The following DAB1 variants were observed in gnomAD, a reference collection of about 807,000 sequenced individuals.
DAB1 encodes the protein disabled homolog 1.
In DAB1, 15 loss-of-function variants were observed where a neutral mutation model predicts 64.6. The ratio of observed to expected loss-of-function variants is 0.23; its 90% confidence interval spans 0.16 to 0.36. DAB1 has a LOEUF of 0.36. DAB1 is among the 10% of genes least tolerant of loss of function. The pLI, the probability that DAB1 is intolerant of heterozygous loss-of-function variation, is 1.00. For synonymous variants in DAB1, 235 were observed against 251.9 expected (o/e 0.93, Z 0.64); for missense variants, 596 against 706.7 (o/e 0.84, Z 1.78).
intron 3 of DAB1, among the ~76,000 whole-genome samples, chr1:58,358,953 A>AACACACCCACACACACACACACAC (rs1644137794): frequency 8.1e-6 from 1 of 123,850 alleles, no homozygotes; most frequent in East Asian, 2.6e-4. Context: ...CTCTCTCTGT[A>AACACACCCACACACACACACACAC]ACACACACAC....
chr1:57,722,776 G>A (rs553833136), intron 6 of DAB1, among the ~76,000 whole-genome samples: 1 of 152,334 alleles, frequency 6.6e-6, no homozygotes, highest in Non-Finnish European at 1.5e-5. Context: ...CAATGGGCCT[G>A]CCAGGTGGCA....
intron 3 of DAB1, among the ~76,000 whole-genome samples, chr1:58,452,226 A>G (rs1184791917): frequency 1.3e-5 from 2 of 151,166 alleles, no homozygotes; most frequent in African/African-American, 4.9e-5. Flanking sequence ...GAGCCACTGC[A>G]CCTGGCCTGC....
At chr1:57,511,167 T>C (rs911099112) in intron 7 of DAB1, among the ~76,000 whole-genome samples, 1 of 152,320 alleles carries the variant, frequency 6.6e-6, no homozygotes, top group Middle Eastern at 3.4e-3. Flanking sequence ...TTCTACACAG[T>C]GGAACCACCA....
chr1:57,993,105 C>A (rs1237085042), intron 5 of DAB1, among the ~76,000 whole-genome samples: 1 of 152,118 alleles, frequency 6.6e-6, no homozygotes, highest in Non-Finnish European at 1.5e-5. Flanking sequence ...TTCCTATTGA[C>A]CCTCACTTAA....
At chr1:57,651,052 A>G (rs1646250229) in intron 6 of DAB1, among the ~76,000 whole-genome samples, 1 of 152,168 alleles carries the variant, frequency 6.6e-6, no homozygotes, top group African/African-American at 2.4e-5. Flanking sequence ...TTGTTCATTC[A>G]AAATAATCAG....
At chr1:57,165,336 A>G (rs1335535832) in intron 2 of DAB1, among the ~76,000 whole-genome samples, 1 of 152,216 alleles carries the variant, frequency 6.6e-6, no homozygotes, top group Admixed American at 6.5e-5. Context: ...AAAGAGCTCA[A>G]TATGGTCTAT....
At chr1:57,375,079 C>G (rs766496226) in intron 1 of DAB1, among the ~76,000 whole-genome samples, 1 of 152,090 alleles carries the variant, frequency 6.6e-6, no homozygotes, top group Admixed American at 6.5e-5. Context: ...AGGTCCCAAC[C>G]CTTCTCTCTG....
At chr1:58,082,423 T>A (rs201320572) in intron 5 of DAB1, among the ~76,000 whole-genome samples, 4,438 of 88,454 alleles carry the variant, frequency 0.05, 202 homozygotes, top group African/African-American at 0.2. Context: ...AAAACTTAAA[T>A]AAAAAAAAAA....
chr1:58,442,124 C>T (rs775335018), intron 3 of DAB1, among the ~76,000 whole-genome samples: 12 of 152,202 alleles, frequency 7.9e-5, no homozygotes, highest in Middle Eastern at 6.8e-3. Context: ...TTATTGTGTG[C>T]GTGTGTGTGC....
At chr1:57,866,691 T>C (rs1189995616) in intron 1 of DAB1, among the ~76,000 whole-genome samples, 2 of 152,218 alleles carry the variant, frequency 1.3e-5, no homozygotes, top group African/African-American at 2.4e-5. Flanking sequence ...GGCAGCACAG[T>C]GTCTGCACAG....
chr1:57,849,287 T>C (rs1030641382), intron 1 of DAB1, among the ~76,000 whole-genome samples: 6 of 152,208 alleles, frequency 3.9e-5, no homozygotes, highest in Non-Finnish European at 8.8e-5. Flanking sequence ...GGTGCTGCCC[T>C]GTCTGCTCCT....
intron 7 of DAB1, among the ~76,000 whole-genome samples, chr1:57,607,722 C>T (rs1676091476): frequency 1.3e-5 from 2 of 152,140 alleles, no homozygotes; most frequent in African/African-American, 4.8e-5. Context: ...TTTCCTCTTT[C>T]TCCCATGATG....
At chr1:58,124,012 A>T (rs1490467057) in intron 5 of DAB1, among the ~76,000 whole-genome samples, 3 of 152,126 alleles carry the variant, frequency 2.0e-5, no homozygotes, top group African/African-American at 7.2e-5. Flanking sequence ...ATGAAGTGTA[A>T]ACATCTAGGT....
Position 58,545,032 on chromosome 1 carries a change from G to A in DAB1, n.32+1671C>T, listed in dbSNP as rs148458368. On this transcript the variant is annotated intron_variant and non_coding_transcript_variant, in intron 1 of 20. Coordinates refer to the DAB1 transcript ENST00000485760. ...TTACAGTCATGAGCCACCACGCCTGGACTTTCGTTGGTTTTCCATGGCTTC... is the reference window on the plus strand; with the variant it reads ...TTACAGTCATGAGCCACCACGCCTGAACTTTCGTTGGTTTTCCATGGCTTC... 2.6e-5 allele frequency among the ~76,000 whole-genome samples: 4 copies of A among 152,238 alleles called. No homozygotes were observed. In the East Asian group the frequency reaches 7.7e-4, roughly 29 times the overall value.
intron 4 of DAB1, among the ~76,000 whole-genome samples, chr1:58,223,070 T>A (rs1025040329): frequency 6.6e-6 from 1 of 152,210 alleles, no homozygotes; most frequent in Non-Finnish European, 1.5e-5. Context: ...CTTCTATCCA[T>A]GAGATTGTGA....
intron 3 of DAB1, among the ~76,000 whole-genome samples, chr1:58,368,086 T>G (rs4912192): frequency 0.31 from 46,512 of 152,128 alleles, 7,208 homozygotes; most frequent in Middle Eastern, 0.4. Context: ...TGGGGAACTT[T>G]TACAAAATGT....
intron 5 of DAB1, among the ~76,000 whole-genome samples, chr1:58,005,504 T>C (rs914569896): frequency 1.2e-4 from 18 of 152,006 alleles, no homozygotes; most frequent in Admixed American, 1.0e-3. Context: ...GGAAGCTGTT[T>C]TGAAGAGGAA....
intron 7 of DAB1, among the ~76,000 whole-genome samples, chr1:57,525,720 T>C (rs1644583157): frequency 6.6e-6 from 1 of 152,002 alleles, no homozygotes; most frequent in Non-Finnish European, 1.5e-5. Context: ...AATATAAGCA[T>C]ATTATTAACC....
intron 3 of DAB1, among the ~76,000 whole-genome samples, chr1:58,383,149 A>G (rs997152757): frequency 6.9e-6 from 1 of 144,966 alleles, no homozygotes; most frequent in African/African-American, 2.6e-5. Context: ...TTTTCTCAAT[A>G]ATCCCACATT....
Sources: allele counts gnomAD v4.1 joint callset (sites outside exome capture counted in the v4.1 genomes callset), GRCh38; gene constraint gnomAD v4.1.1; transcripts MANE v1.5; gene names NCBI Gene and HGNC (gene_info 2026-07-23, HGNC 2026-07-21).